The following PPAT variants were observed in gnomAD, a reference collection of about 807,000 sequenced individuals.
PPAT encodes the protein phosphoribosyl pyrophosphate amidotransferase.
Under a neutral mutation model 60.2 loss-of-function variants are expected in PPAT, and 20 were observed. The observed-to-expected ratio is 0.33, with a 90% CI of 0.23 to 0.48. The LOEUF (loss-of-function observed/expected upper bound fraction) is 0.48, where lower values mean the gene tolerates loss of function less well. Among genes scored for constraint, PPAT ranks in the 20% least tolerant of loss-of-function variants. The pLI, the probability that PPAT is intolerant of heterozygous loss-of-function variation, is 0.99. For synonymous variants in PPAT, 194 were observed against 215.1 expected, an observed-to-expected ratio of 0.90 and a Z score of 0.86; for missense variants, 349 against 629.6, an observed-to-expected ratio of 0.55 and a Z score of 4.77.
chr4:56,415,264 T>C (rs1716667445), intron 1 of PPAT, among the ~76,000 whole-genome samples: 1 of 152,236 alleles, frequency 6.6e-6, no homozygotes, highest in African/African-American at 2.4e-5. Context: ...GAGTAAATTT[T>C]TAATTGAGAC....
intron 1 of PPAT, among the ~76,000 whole-genome samples, chr4:56,414,693 C>CT (rs751859115): frequency 6.6e-6 from 1 of 152,126 alleles, no homozygotes; most frequent in African/African-American, 2.4e-5. Context: ...GGTCCAGACT[C>CT]TTTTCTATGG....
rs1410640861 is a variant in PPAT at position 56,399,359 on chromosome 4, A to G, written c.1056T>C (p.Tyr352=). The change falls in exon 9 of 11, where the codon TAT becomes TAC. Residue 352 remains tyrosine (Y), a synonymous_variant. Transcript: ENST00000264220. ...TTGGCTGAATGAAGGTTCTCCCTAC[A>G]TACCGGTTTTTACACAGCACCTCCA... ...PYVEVLCKNR[Y]VGRTFIQPNM... 3 of 1,614,014 alleles carry G rather than the reference A, an allele frequency of 1.9e-6. No individual in the cohort carries two copies. Among genetic ancestry groups the G allele is most frequent in the South Asian group, 2.2e-5 (2 of 91,076 alleles).
chr4:56,411,513 G>A (rs1043916621), intron 1 of PPAT, among the ~76,000 whole-genome samples: 25 of 152,256 alleles, frequency 1.6e-4, no homozygotes, highest in Non-Finnish European at 2.6e-4. Context: ...GTTTCTTGAC[G>A]TGCTGTGTTG....
At chr4:56,413,070 T>C (rs932040717) in intron 1 of PPAT, among the ~76,000 whole-genome samples, 1 of 152,228 alleles carries the variant, frequency 6.6e-6, no homozygotes, top group Admixed American at 6.5e-5. Context: ...TTTAGTATTA[T>C]TACTTTAAGA....
chr4:56,425,079 A>G (rs985871939), intron 1 of PPAT, among the ~76,000 whole-genome samples: 6 of 152,322 alleles, frequency 3.9e-5, no homozygotes, highest in African/African-American at 1.4e-4. Context: ...GTAGCAAAAC[A>G]TATTTCCAAA....
chr4:56,431,411 C>T, intron 1 of PPAT: 1 of 979,928 alleles, frequency 1.0e-6, no homozygotes, highest in Non-Finnish European at 1.2e-6. Context: ...GTTCTGTACT[C>T]TGTTTGCAGA....
intron 5 of PPAT, among the ~76,000 whole-genome samples, chr4:56,402,633 A>G (rs1716140275): frequency 6.6e-6 from 1 of 152,046 alleles, no homozygotes; most frequent in South Asian, 2.1e-4. Context: ...CCTGACCAAC[A>G]TGGAGAAACC....
intron 8 of PPAT, chr4:56,399,735 A>C (rs1393821247): frequency 5.6e-6 from 1 of 179,136 alleles, no homozygotes; most frequent in Non-Finnish European, 1.2e-5. Flanking sequence ...ATTAAAATAA[A>C]TAAATAAAAA....
Position 56,407,630 on chromosome 4 carries a change from T to C in PPAT, c.195+20A>G. On this transcript the variant is annotated intron_variant, in intron 2 of 10. Coordinates refer to ENST00000264220, the MANE Select transcript of PPAT (RefSeq NM_002703.5). ...ACCGCACTTGGTCTGTCATCAACAT[T>C]TCTTAAAGTTCAAATTTACCTTGTG... 1 of 1,577,832 alleles carries C rather than the reference T, an allele frequency of 6.3e-7. No homozygotes were observed. Among genetic ancestry groups the C allele is most frequent in the Non-Finnish European group, 8.7e-7 (1 of 1,146,776 alleles).
rs575157973 is a variant in PPAT at position 56,425,906 on chromosome 4, T to C, written c.128+9444A>G. Among the ~76,000 whole-genome samples, 10 of 152,330 alleles carry C rather than the reference T, an allele frequency of 6.6e-5. No homozygotes were observed. The East Asian group carries it at 1.9e-3, about 29-fold the overall frequency. On this transcript the variant is annotated intron_variant, in intron 1 of 10. Coordinates refer to ENST00000264220, the MANE Select transcript of PPAT (RefSeq NM_002703.5). ...ATGTTTCCTTAGTTCCTTTATAACT[T>C]CCCACAGACATCACTGCATTAACCT...
intron 10 of PPAT, 126 bp from the exon 11 acceptor site, chr4:56,395,674 TAAA>T (rs3036882): frequency 4.2e-3 from 1,970 of 466,416 alleles, no homozygotes; most frequent in East Asian, 0.015. Context: ...AGCCTTTCTT[TAAA>T]AAAAAAAAAA....
At chr4:56,407,622 A>G in intron 2 of PPAT, 28 bp downstream of exon 2, 1 of 1,562,468 alleles carries the variant, frequency 6.4e-7, no homozygotes, top group South Asian at 1.1e-5. Context: ...TTGGTCTGTC[A>G]TCAACATTTC....
chr4:56,410,433 G>C (rs1237460179), intron 1 of PPAT: 1 of 722,804 alleles, frequency 1.4e-6, no homozygotes, highest in Non-Finnish European at 1.7e-6. Flanking sequence ...GCTCTTCGGA[G>C]CTTATTGACA....
At chr4:56,402,917 A>C in intron 5 of PPAT, 123 bp downstream of exon 5, 2 of 724,912 alleles carry the variant, frequency 2.8e-6, no homozygotes, top group African/African-American at 2.0e-5. Context: ...ATTTATTTTT[A>C]TTTTTCTTAC....
intron 5 of PPAT, 144 bp from the exon 6 acceptor site, chr4:56,402,325 T>C: frequency 2.0e-6 from 1 of 490,678 alleles, no homozygotes; most frequent in East Asian, 3.2e-5. Flanking sequence ...GGATCCTCAT[T>C]TGACTTGAGC....
At chr4:56,417,621 A>G (rs1716826937) in intron 1 of PPAT, among the ~76,000 whole-genome samples, 1 of 152,066 alleles carries the variant, frequency 6.6e-6, no homozygotes, top group African/African-American at 2.4e-5. Context: ...TGCCTAAAAA[A>G]ATTATTAAAA....
chr4:56,407,508 G>C (rs558011201), intron 2 of PPAT, 142 bp downstream of exon 2: 110 of 597,050 alleles, frequency 1.8e-4, no homozygotes, highest in South Asian at 1.3e-4. Context: ...AGTAGAGACA[G>C]GGTTTCTCCA....
chr4:56,401,444 T>C lies in PPAT; in HGVS notation c.772A>G (p.Ile258Val). The change falls in exon 7 of 11, where the codon ATA becomes GTA. Residue 258 changes from isoleucine to valine, a missense_variant. Around this residue, in one of 5 missense-constraint regions of PPAT, gnomAD observed 167 missense variants for 328.6 expected, o/e 0.51. Coordinates refer to ENST00000264220, the MANE Select transcript of PPAT (RefSeq NM_002703.5). The stretch of plus-strand genomic sequence containing the variant: ...AGAGTTTGGACATTGTGTCTGGATA[T>C]TTCCACAATTTCTCCAGGCAAGACT... Reference protein sequence around the residue: ...REVLPGEIVEISRHNVQTLDI... With the variant: ...REVLPGEIVEVSRHNVQTLDI... The C allele has an allele frequency of 1.9e-6, 3 of 1,604,738 alleles. No individual in the cohort carries two copies. Among genetic ancestry groups the C allele is most frequent in the African/African-American group, 1.3e-5 (1 of 74,644 alleles).
intron 1 of PPAT, among the ~76,000 whole-genome samples, chr4:56,416,112 C>A (rs918701462): frequency 8.6e-5 from 13 of 151,516 alleles, no homozygotes; most frequent in African/African-American, 3.1e-4. Context: ...CTAACTACAA[C>A]CATTTCTAAA....
Sources: allele counts gnomAD v4.1 joint callset (sites outside exome capture counted in the v4.1 genomes callset), GRCh38; gene constraint gnomAD v4.1.1; regional missense constraint gnomAD v4.1.1; transcripts MANE v1.5; gene names NCBI Gene and HGNC (gene_info 2026-07-23, HGNC 2026-07-21).